The following RSU1 variants were observed in gnomAD, a reference collection of about 807,000 sequenced individuals.
RSU1 encodes the protein Ras suppressor protein 1.
RSU1 carries 26 observed loss-of-function variants against 31.1 expected under a neutral mutation model. The observed-to-expected ratio is 0.84, with a 90% CI of 0.61 to 1.16. The LOEUF (loss-of-function observed/expected upper bound fraction) is 1.16, where lower values mean the gene tolerates loss of function less well. RSU1 is among the 50% of genes most tolerant of loss of function. RSU1 has a pLI of 0.00. For synonymous variants in RSU1, 164 were observed against 136.3 expected, an observed-to-expected ratio of 1.20 and a Z score of -1.41; for missense variants, 320 against 339.1, an observed-to-expected ratio of 0.94 and a Z score of 0.44.
intron 7 of RSU1, among the ~76,000 whole-genome samples, chr10:16,731,734 T>C (rs1339288796): frequency 6.6e-6 from 1 of 152,192 alleles, no homozygotes; most frequent in Non-Finnish European, 1.5e-5. Context: ...TGCATTTCAT[T>C]GACTGCTACT....
chr10:16,745,450 T>C (rs1836831693), intron 7 of RSU1, among the ~76,000 whole-genome samples: 1 of 152,150 alleles, frequency 6.6e-6, no homozygotes, highest in Admixed American at 6.5e-5. Context: ...AAGGTTTAAC[T>C]GGACTTATAG....
chr10:16,706,626 A>C (rs1445612490), intron 7 of RSU1, among the ~76,000 whole-genome samples: 1 of 152,186 alleles, frequency 6.6e-6, no homozygotes, highest in Admixed American at 6.5e-5. Context: ...ATACATACTT[A>C]TGGGGGTACA....
chr10:16,784,353 G>A (rs61843972), intron 2 of RSU1, among the ~76,000 whole-genome samples: 14 of 151,948 alleles, frequency 9.2e-5, no homozygotes, highest in Admixed American at 1.3e-4. Context: ...TTCATTCATC[G>A]GTATTAGTCC....
chr10:16,808,888 C>G (rs1424774877), intron 2 of RSU1, among the ~76,000 whole-genome samples: 1 of 152,134 alleles, frequency 6.6e-6, no homozygotes, highest in Non-Finnish European at 1.5e-5. Flanking sequence ...GACTGAGGGA[C>G]AGCAGGGATG....
chr10:16,737,101 T>C (rs1374459478), intron 7 of RSU1, among the ~76,000 whole-genome samples: 2 of 151,664 alleles, frequency 1.3e-5, no homozygotes, highest in African/African-American at 4.8e-5. Flanking sequence ...GTGGAAGATA[T>C]CAAGTGATCT....
chr10:16,816,725 C>G (rs1047082987), intron 2 of RSU1, among the ~76,000 whole-genome samples: 1 of 152,230 alleles, frequency 6.6e-6, no homozygotes, highest in African/African-American at 2.4e-5. Context: ...CAATGCCATA[C>G]AGCAGAGACA....
At chr10:16,680,342 C>T (rs1189687716) in intron 8 of RSU1, among the ~76,000 whole-genome samples, 1 of 152,052 alleles carries the variant, frequency 6.6e-6, no homozygotes, top group Non-Finnish European at 1.5e-5. Context: ...TTTCCCATGA[C>T]ATTCCAAAGA....
chr10:16,642,579 GA>G (rs1369130598), intron 8 of RSU1, among the ~76,000 whole-genome samples: 1 of 152,238 alleles, frequency 6.6e-6, no homozygotes, highest in East Asian at 1.9e-4. Context: ...GGTAAACAAA[GA>G]AACATCATGC....
chr10:16,745,265 T>TACA, intron 7 of RSU1, among the ~76,000 whole-genome samples: 1 of 152,310 alleles, frequency 6.6e-6, no homozygotes, highest in South Asian at 2.1e-4. Context: ...GAATCAAGGC[T>TACA]AAATTCTTTA....
intron 8 of RSU1, among the ~76,000 whole-genome samples, chr10:16,679,035 A>C (rs1835280245): frequency 6.6e-6 from 1 of 152,196 alleles, no homozygotes; most frequent in African/African-American, 2.4e-5. Context: ...TGGTAAAAAG[A>C]TCTATAAAAA....
chr10:16,672,781 G>A (rs1156415067), intron 8 of RSU1, among the ~76,000 whole-genome samples: 5 of 152,132 alleles, frequency 3.3e-5, no homozygotes, highest in South Asian at 2.1e-4. Context: ...AAAAACCCTT[G>A]GGGATGAGGA....
chr10:16,784,178 C>G (rs995184559), intron 2 of RSU1, among the ~76,000 whole-genome samples: 2 of 151,660 alleles, frequency 1.3e-5, no homozygotes, highest in African/African-American at 2.4e-5. Flanking sequence ...GCATCCCAGG[C>G]TCAAGCAATC....
At chr10:16,655,106 A>G (rs533295080) in intron 8 of RSU1, among the ~76,000 whole-genome samples, 8 of 151,534 alleles carry the variant, frequency 5.3e-5, no homozygotes, top group South Asian at 2.1e-4. Flanking sequence ...TGCATTCTGT[A>G]TCATTCAATA....
At chr10:16,784,931 G>C (rs186435051) in intron 2 of RSU1, among the ~76,000 whole-genome samples, 22 of 152,242 alleles carry the variant, frequency 1.4e-4, no homozygotes, top group Non-Finnish European at 2.8e-4. Flanking sequence ...GTGGGGCTTT[G>C]GGAGGAGGTA....
chr10:16,811,524 C>G (rs1302832124), intron 2 of RSU1, among the ~76,000 whole-genome samples: 1 of 151,964 alleles, frequency 6.6e-6, no homozygotes, highest in Admixed American at 6.6e-5. Context: ...CAGCTAGTAG[C>G]AAACAAAAAA....
In RSU1 at chr10:16,695,049, C is replaced by A; in HGVS notation, c.705G>T (p.Glu235Asp). ...ATTTGTATGTCTCAGAACGGATATA[C>A]TCAAAAACATGGGACACGCCAAGCT... ...QFQLGVSHVF[E>D]YIRSETYKYL... is the part of the protein sequence containing the mutation. Residue 235 changes from glutamate to aspartate, a missense_variant, in exon 8 of 9, where the codon GAG becomes GAT. By Grantham distance (45) the Glu-to-Asp change is conservative. Coordinates refer to ENST00000345264, the MANE Select transcript of RSU1 (RefSeq NM_012425.4). 1 of 1,612,808 alleles carries A rather than the reference C, an allele frequency of 6.2e-7. No homozygotes were observed. The highest frequency in any genetic ancestry group is 8.5e-7 in the Non-Finnish European group (1 of 1,179,488).
intron 8 of RSU1, 84 bp from the exon 9 acceptor site, chr10:16,593,580 G>T: frequency 2.8e-6 from 3 of 1,056,580 alleles, no homozygotes; most frequent in Admixed American, 2.0e-5. Flanking sequence ...AGGAATAGAA[G>T]AATCTCCAAA....
At chr10:16,747,486 C>T (rs1836878097) in intron 7 of RSU1, among the ~76,000 whole-genome samples, 1 of 148,886 alleles carries the variant, frequency 6.7e-6, no homozygotes, top group African/African-American at 2.4e-5. Context: ...TTGCTTAGAC[C>T]AAAAACCTCA....
intron 7 of RSU1, among the ~76,000 whole-genome samples, chr10:16,707,358 T>C (rs903639127): frequency 6.6e-6 from 1 of 152,166 alleles, no homozygotes; most frequent in African/African-American, 2.4e-5. Flanking sequence ...ACCAACAATG[T>C]GTTTCCCTTT....
Sources: gnomAD v4.1 joint callset for allele counts (sites outside exome capture counted in the v4.1 genomes callset) on GRCh38, gnomAD v4.1.1 for gene constraint, MANE v1.5 for transcripts, NCBI Gene and HGNC (gene_info 2026-07-23, HGNC 2026-07-21) for gene names.